The following ARL13B variants were observed in gnomAD, a reference collection of about 807,000 sequenced individuals.
ARL13B encodes the protein ARF like GTPase 13B.
Under a neutral mutation model 56.1 loss-of-function variants are expected in ARL13B, and 36 were observed. The observed-to-expected ratio is 0.64, with a 90% CI of 0.49 to 0.85. The LOEUF is 0.85. Among genes scored for constraint, ARL13B ranks in the 40% least tolerant of loss-of-function variants. The probability of loss-of-function intolerance (pLI) is 0.00; values close to 1 mark genes in which losing one functional copy is unlikely to be tolerated. For synonymous variants in ARL13B, 178 were observed against 171.1 expected (o/e 1.04, Z -0.32); for missense variants, 519 against 507.1 (o/e 1.02, Z -0.23).
Position 94,054,784 on chromosome 3 carries a change from T to TA in ARL13B, c.*1525dup, listed in dbSNP as rs1200977726. 2.5e-6 allele frequency: 1 copy of TA among 403,490 alleles called. No individual in the cohort carries two copies. The highest frequency in any genetic ancestry group is 5.0e-6 in the Non-Finnish European group (1 of 202,014). 25.0% of individuals were successfully genotyped at this position (403,490 alleles called of 1,614,324 possible). A position where few individuals can be genotyped will look rare whatever the true frequency, so the allele number is the denominator to read the frequency against. On this transcript the variant is annotated 3_prime_UTR_variant, in exon 10 of 10. Coordinates refer to ENST00000394222, the MANE Select transcript of ARL13B (RefSeq NM_001174150.2). ...GACTTAGCAACCACACTGAGTGAGG[T>TA]AAAAGCATTTGATTTCAGATCTAAA...
At chr3:94,004,864 A>G (rs2076107849) in intron 3 of ARL13B, among the ~76,000 whole-genome samples, 2 of 152,254 alleles carry the variant, frequency 1.3e-5, no homozygotes, top group South Asian at 4.1e-4. Context: ...TATTGAATCT[A>G]AAGGAGAACT....
intron 1 of ARL13B, among the ~76,000 whole-genome samples, chr3:93,992,508 C>T (rs1316546939): frequency 6.6e-6 from 1 of 152,056 alleles, no homozygotes; most frequent in Non-Finnish European, 1.5e-5. Context: ...TTTTTTCTTG[C>T]TAGGCTCTAA....
At chr3:94,014,355 A>G (rs780067501) in intron 3 of ARL13B, 2 of 1,498,962 alleles carry the variant, frequency 1.3e-6, no homozygotes, top group Non-Finnish European at 1.8e-6. Flanking sequence ...CTTTTACCGT[A>G]AAGCTGGAAA....
At chr3:94,014,630 G>A (rs1421824066) in intron 3 of ARL13B, 2 of 1,613,376 alleles carry the variant, frequency 1.2e-6, no homozygotes, top group South Asian at 2.2e-5. Context: ...TTGTGTCTCT[G>A]TTCAATCTCT....
intron 9 of ARL13B, 90 bp from the exon 10 acceptor site, chr3:94,053,097 A>G: frequency 9.6e-7 from 1 of 1,039,194 alleles, no homozygotes; most frequent in Non-Finnish European, 1.5e-6. Context: ...AAATGTCTAA[A>G]ATGTCTAAAG....
chr3:94,003,263 G>C (rs942542005), intron 2 of ARL13B, among the ~76,000 whole-genome samples: 1 of 152,078 alleles, frequency 6.6e-6, no homozygotes, highest in African/African-American at 2.4e-5. Flanking sequence ...TTCTCTAAGT[G>C]TTCATGGTTT....
rs183703859 is a variant in ARL13B at position 93,990,374 on chromosome 3, G to T, written c.60-5500G>T. 1.5e-3 allele frequency among the ~76,000 whole-genome samples: 222 copies of T among 151,396 alleles called. 1 individual carries two copies. The highest frequency in any genetic ancestry group is 0.013 in the East Asian group (67 of 5,150). ...TTTCTCAAATTTTTAATTTTTTTTT[G>T]ATTTTGGAATATTTGCATATATATA... is the stretch of plus-strand genomic sequence containing the variant. On this transcript the variant is annotated intron_variant, in intron 1 of 9. Transcript: ENST00000394222.
At chr3:94,026,559 A>G (rs1049608063) in intron 3 of ARL13B, among the ~76,000 whole-genome samples, 8 of 152,200 alleles carry the variant, frequency 5.3e-5, no homozygotes, top group African/African-American at 1.9e-4. Context: ...TTATATCTTC[A>G]TGAATTAGAA....
chr3:93,981,358 A>T (rs1710205196), intron 1 of ARL13B, among the ~76,000 whole-genome samples: 1 of 152,122 alleles, frequency 6.6e-6, no homozygotes, highest in Admixed American at 6.5e-5. Context: ...GGGTAAGATA[A>T]AGCAAAGTTG....
At position 94,053,641 on chromosome 3, in the gene ARL13B, T is replaced by G. The variant is rs1234932061; in HGVS notation, c.*378T>G. The G allele has an allele frequency of 9.0e-6, 4 of 444,108 alleles. No individual in the cohort carries two copies. The highest frequency in any genetic ancestry group is 7.3e-5 in the Admixed American group (3 of 41,078). 27.5% of individuals were successfully genotyped at this position (444,108 alleles called of 1,614,324 possible). ...GCCTATATTTCTAGATATTAAATAT[T>G]TTTTGTAAGATATATGCACATAGAA... On this transcript the variant is annotated 3_prime_UTR_variant, in exon 10 of 10. Coordinates refer to ENST00000394222, the MANE Select transcript of ARL13B (RefSeq NM_001174150.2).
chr3:93,993,298 G>T (rs2075908919), intron 1 of ARL13B, among the ~76,000 whole-genome samples: 1 of 151,180 alleles, frequency 6.6e-6, no homozygotes, highest in Non-Finnish European at 1.5e-5. Context: ...GCTAATTTTT[G>T]TATTTTTAGT....
At chr3:93,995,709 T>C (rs1307217287) in intron 1 of ARL13B, among the ~76,000 whole-genome samples, 165 bp from the exon 2 acceptor site, 1 of 152,198 alleles carries the variant, frequency 6.6e-6, no homozygotes, top group African/African-American at 2.4e-5. Flanking sequence ...TGAATTTGCT[T>C]TTGAATCTAT....
intron 3 of ARL13B, among the ~76,000 whole-genome samples, chr3:94,031,267 G>T (rs866201218): frequency 6.6e-6 from 1 of 151,960 alleles, no homozygotes; most frequent in Non-Finnish European, 1.5e-5. Flanking sequence ...AAATCAACAC[G>T]AATACATGGT....
In ARL13B at chr3:94,011,635, C is replaced by T. The variant is rs1280551205; in HGVS notation, c.380+7727C>T. On this transcript the variant is annotated intron_variant, in intron 3 of 9. Coordinates refer to ENST00000394222, the MANE Select transcript of ARL13B (RefSeq NM_001174150.2). ...CCCAAGTCCAGCTTCTGCATTTGTG[C>T]TTCATACTCCACTTCTTTCTGCTCT... Among the ~76,000 whole-genome samples the T allele has an allele frequency of 1.8e-4, 28 of 152,122 alleles. 1 individual carries two copies. Among genetic ancestry groups the T allele is most frequent in the Non-Finnish European group, 4.1e-4 (28 of 67,968 alleles).
At chr3:94,053,139 T>G (rs1421393333) in intron 9 of ARL13B, 48 bp from the exon 10 acceptor site, 1 of 1,458,634 alleles carries the variant, frequency 6.9e-7, no homozygotes, top group Non-Finnish European at 9.5e-7. Context: ...TCAAAAATCT[T>G]GATGTACCAT....
chr3:94,032,870 C>G (rs897923215), intron 3 of ARL13B, among the ~76,000 whole-genome samples: 2 of 152,096 alleles, frequency 1.3e-5, no homozygotes, highest in African/African-American at 2.4e-5. Context: ...GGTACCTATC[C>G]AAAGGAAAAG....
At chr3:94,011,806 T>C (rs2076228757) in intron 3 of ARL13B, among the ~76,000 whole-genome samples, 1 of 152,134 alleles carries the variant, frequency 6.6e-6, no homozygotes, top group Non-Finnish European at 1.5e-5. Flanking sequence ...TTGATTACTT[T>C]TTATAGTACC....
At position 94,008,684 on chromosome 3, in the gene ARL13B, T is replaced by A. The variant is rs189984490; in HGVS notation, c.380+4776T>A. On this transcript the variant is annotated intron_variant, in intron 3 of 9. Coordinates refer to ENST00000394222, the MANE Select transcript of ARL13B (RefSeq NM_001174150.2). Reference sequence around the variant, plus strand: ...ACCCGTGGAGTCTTAAAAGTTGGCCTCAGAGAGATAATAAATTACCCCTTC... The same window carrying A: ...ACCCGTGGAGTCTTAAAAGTTGGCCACAGAGAGATAATAAATTACCCCTTC... Among the ~76,000 whole-genome samples, 150 of 152,270 alleles carry A rather than the reference T, an allele frequency of 9.9e-4. 1 individual carries two copies. The highest frequency in any genetic ancestry group is 1.7e-3 in the Non-Finnish European group (116 of 67,992).
At chr3:94,044,965 GA>G (rs1256883686) in intron 7 of ARL13B, among the ~76,000 whole-genome samples, 1 of 152,220 alleles carries the variant, frequency 6.6e-6, no homozygotes, top group African/African-American at 2.4e-5. Flanking sequence ...TGACCATCAA[GA>G]ACGGGCCATG....
Sources: gnomAD v4.1 joint callset for allele counts (sites outside exome capture counted in the v4.1 genomes callset) on GRCh38, gnomAD v4.1.1 for gene constraint, MANE v1.5 for transcripts, NCBI Gene and HGNC (gene_info 2026-07-23, HGNC 2026-07-21) for gene names.